PPP1R21: variants seen among roughly 807,000 people sequenced by gnomAD.
PPP1R21 encodes KLRAQ motif containing 1.
PPP1R21 carries 85 observed loss-of-function variants against 112.8 expected under a neutral mutation model. The observed-to-expected ratio is 0.75, with a 90% confidence interval of 0.63 to 0.90. PPP1R21 has a LOEUF of 0.90. PPP1R21 is among the 40% of genes least tolerant of loss of function. The probability of loss-of-function intolerance (pLI) is 0.00; values close to 1 mark genes in which losing one functional copy is unlikely to be tolerated. For synonymous variants in PPP1R21, 381 were observed against 322.3 expected (o/e 1.18, Z -1.95); for missense variants, 1,199 against 901.5 (o/e 1.33, Z -4.23).
At chr2:48,460,004 T>C in intron 5 of PPP1R21, 86 bp downstream of exon 5, 1 of 1,593,038 alleles carries the variant, frequency 6.3e-7, no homozygotes, top group South Asian at 1.1e-5. Flanking sequence ...TAGTCATTTC[T>C]GGTGAGACTT....
intron 12 of PPP1R21, among the ~76,000 whole-genome samples, chr2:48,475,211 G>A (rs1668697396): frequency 6.6e-6 from 1 of 152,080 alleles, no homozygotes; most frequent in Admixed American, 6.6e-5. Flanking sequence ...AAATTATCCA[G>A]ATGTGGCAGC....
intron 21 of PPP1R21, 24 bp downstream of exon 21, chr2:48,511,492 T>C: frequency 6.2e-7 from 1 of 1,605,062 alleles, no homozygotes; most frequent in Non-Finnish European, 8.5e-7. Context: ...GGTGAGGTAG[T>C]CTCTCTGCAA....
intron 12 of PPP1R21, among the ~76,000 whole-genome samples, chr2:48,476,951 G>T (rs1045998150): frequency 2.5e-4 from 38 of 152,044 alleles, no homozygotes; most frequent in African/African-American, 7.5e-4. Context: ...TTTTGATGAA[G>T]TCCAGTTTCC....
intron 21 of PPP1R21, among the ~76,000 whole-genome samples, chr2:48,513,401 G>T (rs192811916): frequency 9.9e-4 from 150 of 151,450 alleles, no homozygotes; most frequent in African/African-American, 3.5e-3. Context: ...TTTGCAACAG[G>T]GTTTCACCAT....
intron 14 of PPP1R21, among the ~76,000 whole-genome samples, chr2:48,487,869 T>G (rs1006997161): frequency 6.6e-6 from 1 of 152,180 alleles, no homozygotes; most frequent in Non-Finnish European, 1.5e-5. Flanking sequence ...CTTTAATGAT[T>G]AAGATTTTTC....
intron 14 of PPP1R21, among the ~76,000 whole-genome samples, chr2:48,487,413 G>A (rs1380369744): frequency 6.6e-6 from 1 of 152,066 alleles, no homozygotes; most frequent in Non-Finnish European, 1.5e-5. Flanking sequence ...ATGATCGTCT[G>A]GATCATTAAA....
rs140541431 is a variant in PPP1R21, at chr2:48,453,199, C to T, written c.127-1396C>T. Among the ~76,000 whole-genome samples the T allele has an allele frequency of 2.8e-3, 421 of 152,258 alleles. 3 individuals carry two copies. The highest frequency in any genetic ancestry group is 9.6e-3 in the African/African-American group (397 of 41,536). The stretch of plus-strand genomic sequence containing the variant: ...AAACTCCTGACCTCGAGTGATCCGC[C>T]CTCTTTAGCCTCCCAAAGTGCTGGG... On this transcript the variant is annotated intron_variant, in intron 2 of 21. Transcript: ENST00000294952.
At chr2:48,503,565 A>G (rs1245528142) in intron 17 of PPP1R21, among the ~76,000 whole-genome samples, 1 of 152,176 alleles carries the variant, frequency 6.6e-6, no homozygotes, top group Non-Finnish European at 1.5e-5. Flanking sequence ...CTTGATCTTT[A>G]TTACCAAATT....
chr2:48,504,322 C>A (rs144472873), intron 17 of PPP1R21, among the ~76,000 whole-genome samples: 51 of 152,240 alleles, frequency 3.3e-4, no homozygotes, highest in African/African-American at 1.2e-3. Context: ...GAACAATACT[C>A]CAGAGGAAAT....
intron 19 of PPP1R21, 70 bp downstream of exon 19, chr2:48,507,455 T>G: frequency 6.4e-7 from 1 of 1,553,790 alleles, no homozygotes; most frequent in Non-Finnish European, 8.6e-7. Context: ...ACTGTCCTGT[T>G]TTCATGCTGT....
chr2:48,455,449 C>T lies in PPP1R21; in HGVS notation c.273+708C>T, dbSNP rs551168193. Among the ~76,000 whole-genome samples the T allele has an allele frequency of 2.0e-5, 3 of 152,042 alleles. No individual in the cohort carries two copies. In the South Asian group the frequency reaches 6.2e-4, roughly 32 times the overall value. On this transcript the variant is annotated intron_variant, in intron 3 of 21. Coordinates refer to ENST00000294952, the MANE Select transcript of PPP1R21 (RefSeq NM_001135629.3). Reference sequence around the variant, plus strand: ...TGAGCCACCGTGCCTGGCCCCGGCCCTGAATTTTTAATGTTCCGTTGTTAC... The same window carrying T: ...TGAGCCACCGTGCCTGGCCCCGGCCTTGAATTTTTAATGTTCCGTTGTTAC...
rs75270962 is a variant in PPP1R21, at chr2:48,461,664, T to C, written c.694+432T>C. The stretch of plus-strand genomic sequence containing the variant: ...CGAAGCTAACTTGGTTAAGCCTTGC[T>C]TCCTATTCACCCTGGGAATGGTTTG... On this transcript the variant is annotated intron_variant, in intron 7 of 21. Coordinates refer to ENST00000294952, the MANE Select transcript of PPP1R21 (RefSeq NM_001135629.3). Among the ~76,000 whole-genome samples the C allele has an allele frequency of 6.1e-4, 93 of 152,312 alleles. No individual in the cohort carries two copies. The East Asian group carries it at 8.9e-3, about 15-fold the overall frequency.
chr2:48,451,130 C>A, intron 2 of PPP1R21, 54 bp downstream of exon 2: 1 of 1,441,502 alleles, frequency 6.9e-7, no homozygotes, highest in South Asian at 1.1e-5. Flanking sequence ...TGGTGTTGCT[C>A]AAAGCAGGTT....
chr2:48,506,469 A>G (rs1670382181), intron 18 of PPP1R21, among the ~76,000 whole-genome samples: 1 of 152,216 alleles, frequency 6.6e-6, no homozygotes, highest in Admixed American at 6.5e-5. Context: ...AAACTGGTTA[A>G]TATAGTTCAA....
intron 3 of PPP1R21, among the ~76,000 whole-genome samples, chr2:48,455,389 C>G (rs949694348): frequency 1.3e-5 from 2 of 150,136 alleles, no homozygotes; most frequent in African/African-American, 4.9e-5. Flanking sequence ...GTGGTCTGCT[C>G]GCCTCAGCCT....
At chr2:48,475,531 C>T (rs764365210) in intron 12 of PPP1R21, among the ~76,000 whole-genome samples, 3 of 151,908 alleles carry the variant, frequency 2.0e-5, no homozygotes, top group Non-Finnish European at 4.4e-5. Context: ...GCCATTTGTT[C>T]CCCTTTGGCC....
intron 1 of PPP1R21, among the ~76,000 whole-genome samples, chr2:48,448,498 C>T (rs901359346): frequency 1.4e-5 from 2 of 147,730 alleles, no homozygotes; most frequent in African/African-American, 5.0e-5. Flanking sequence ...CATTCTTAGT[C>T]CTTGAAGTAG....
In PPP1R21 at chr2:48,459,701, C is replaced by G. The variant is rs904385827; in HGVS notation, c.376-53C>G. On this transcript the variant is annotated intron_variant, in intron 4 of 21. Transcript: ENST00000294952. ...GAATAGTCACTGCTGTTATTTTTCT[C>G]ATTTATGTATATTAGGATATTGTGA... 2.2e-5 allele frequency: 34 copies of G among 1,562,354 alleles called. No individual in the cohort carries two copies. In the East Asian group the frequency reaches 7.2e-4, roughly 33 times the overall value.
chr2:48,490,865 A>G lies in PPP1R21; in HGVS notation c.1447-153A>G, dbSNP rs576215803. 3.9e-5 allele frequency among the ~76,000 whole-genome samples: 6 copies of G among 152,346 alleles called. No individual in the cohort carries two copies. In the South Asian group the frequency reaches 1.2e-3, roughly 32 times the overall value. On this transcript the variant is annotated intron_variant, in intron 14 of 21. Coordinates refer to ENST00000294952, the MANE Select transcript of PPP1R21 (RefSeq NM_001135629.3). ...TATAAACCATTGCCTAGGTATTCTC[A>G]AATAAATAAATGTGGACTTTGGGGC...
Sources: allele counts gnomAD v4.1 joint callset (sites outside exome capture counted in the v4.1 genomes callset), GRCh38; gene constraint gnomAD v4.1.1; transcripts MANE v1.5; gene names NCBI Gene and HGNC (gene_info 2026-07-23, HGNC 2026-07-21).